The following PREX1 variants were observed in gnomAD, a reference collection of about 807,000 sequenced individuals.
PREX1 encodes phosphatidylinositol 3,4,5-trisphosphate-dependent Rac exchanger 1 protein.
Under a neutral mutation model 198.3 loss-of-function variants are expected in PREX1, and 41 were observed. That is an observed-to-expected ratio of 0.21 (90% CI 0.16 to 0.27). PREX1 has a LOEUF of 0.27. Among genes scored for constraint, PREX1 ranks in the 10% least tolerant of loss-of-function variants. The pLI, the probability that PREX1 is intolerant of heterozygous loss-of-function variation, is 1.00. For missense variants in PREX1, 1,620 were observed against 2,200.7 expected (o/e 0.74, Z 5.28); for synonymous variants, 843 against 887.2 (o/e 0.95, Z 0.89).
intron 25 of PREX1, among the ~76,000 whole-genome samples, chr20:48,647,188 C>A (rs556447915): frequency 1.3e-5 from 2 of 152,142 alleles, no homozygotes; most frequent in Admixed American, 1.3e-4. Flanking sequence ...TATGATCACA[C>A]CATCACACTC....
the PREX1 span, among the ~76,000 whole-genome samples, chr20:48,876,697 T>G: frequency 6.6e-6 from 1 of 152,126 alleles, no homozygotes; most frequent in Non-Finnish European, 1.5e-5. Flanking sequence ...CTTGGGAAGA[T>G]GAAAAGGGGA....
chr20:48,740,654 A>G (rs1345729066), intron 3 of PREX1, among the ~76,000 whole-genome samples: 12 of 152,218 alleles, frequency 7.9e-5, no homozygotes, highest in African/African-American at 2.2e-4. Context: ...AACTCCTGAG[A>G]CAGACTGACT....
intron 30 of PREX1, among the ~76,000 whole-genome samples, chr20:48,638,006 A>G (rs1189890296): frequency 1.3e-5 from 2 of 152,154 alleles, no homozygotes; most frequent in Non-Finnish European, 2.9e-5. Context: ...AGATGGAACC[A>G]GCCCCTTTAA....
chr20:48,851,244 C>A, the PREX1 span, among the ~76,000 whole-genome samples: 1 of 152,150 alleles, frequency 6.6e-6, no homozygotes, highest in Non-Finnish European at 1.5e-5. Context: ...TGGTGGTTCA[C>A]GCCTGTAATC....
chr20:48,667,132 T>C (rs530995684), intron 14 of PREX1, among the ~76,000 whole-genome samples: 1 of 152,094 alleles, frequency 6.6e-6, no homozygotes, highest in Non-Finnish European at 1.5e-5. Flanking sequence ...TTGCAGTCAC[T>C]TTAGACTACA....
At chr20:48,646,366 T>C in intron 25 of PREX1, among the ~76,000 whole-genome samples, 1 of 152,158 alleles carries the variant, frequency 6.6e-6, no homozygotes, top group South Asian at 2.1e-4. Flanking sequence ...CGTGGCTGTG[T>C]TCCAATGACA....
At chr20:48,699,465 A>G (rs1184217312) in intron 7 of PREX1, among the ~76,000 whole-genome samples, 1 of 152,034 alleles carries the variant, frequency 6.6e-6, no homozygotes, top group African/African-American at 2.4e-5. Context: ...CCATGCATCC[A>G]ACCATCAGTT....
At chr20:48,736,990 A>G (rs925081162) in intron 3 of PREX1, among the ~76,000 whole-genome samples, 2 of 152,088 alleles carry the variant, frequency 1.3e-5, no homozygotes, top group Non-Finnish European at 2.9e-5. Flanking sequence ...TCTCATCCAT[A>G]AAGTACAGAC....
At chr20:48,882,501 CAAAAAAAA>C in the PREX1 span, among the ~76,000 whole-genome samples, 9 of 66,880 alleles carry the variant, frequency 1.3e-4, no homozygotes, top group East Asian at 6.1e-4. Flanking sequence ...GACTCCGTCT[CAAAAAAAA>C]AAAAAAAAAA....
chr20:48,833,439 CTTTCT>C, the PREX1 span, among the ~76,000 whole-genome samples: 2,012 of 119,854 alleles, frequency 0.017, 36 homozygotes, highest in African/African-American at 0.058. Flanking sequence ...CCTATCTTTT[CTTTCT>C]TTTTTTTTTT....
chr20:48,659,089 T>C (rs989939430), intron 16 of PREX1, among the ~76,000 whole-genome samples: 6 of 144,118 alleles, frequency 4.2e-5, no homozygotes, highest in African/African-American at 1.6e-4. Flanking sequence ...ATTAGCTGGG[T>C]GTGGTGGCGC....
At chr20:48,797,393 C>T (rs2090367893) in intron 1 of PREX1, among the ~76,000 whole-genome samples, 1 of 145,004 alleles carries the variant, frequency 6.9e-6, no homozygotes, top group Non-Finnish European at 1.5e-5. Context: ...CTGGCCATTT[C>T]CCCAGGGCTC....
chr20:48,729,688 C>T (rs6122718), intron 4 of PREX1, among the ~76,000 whole-genome samples: 41,978 of 152,038 alleles, frequency 0.28, 5,904 homozygotes, highest in South Asian at 0.4. Context: ...AGCTCAGGCC[C>T]TCATGCTCTA....
chr20:48,686,034 T>G lies in PREX1; in HGVS notation c.1334+2623A>C, dbSNP rs536878532. 1.3e-4 allele frequency among the ~76,000 whole-genome samples: 20 copies of G among 152,310 alleles called. No homozygotes were observed. The South Asian group carries it at 4.1e-3, about 32-fold the overall frequency. On this transcript the variant is annotated intron_variant, in intron 10 of 39. Transcript: ENST00000371941. ...AAATGAATAGACAGGCAAAGTACAG[T>G]GGGAGACAGCACCAGTGTCGCTTTG...
chr20:48,672,083 C>A (rs1410041826), intron 14 of PREX1, among the ~76,000 whole-genome samples: 2 of 152,212 alleles, frequency 1.3e-5, no homozygotes, highest in African/African-American at 4.8e-5. Flanking sequence ...GAGAAAGCCC[C>A]CCGCATGCCC....
the PREX1 span, among the ~76,000 whole-genome samples, chr20:48,846,996 C>T: frequency 2.0e-5 from 3 of 152,116 alleles, no homozygotes; most frequent in Non-Finnish European, 2.9e-5. Flanking sequence ...TGTTCCTACC[C>T]TCCAGGGGCT....
Position 48,704,598 on chromosome 20 carries a change from G to A in PREX1, c.783+3662C>T, listed in dbSNP as rs370489587. 2.1e-4 allele frequency among the ~76,000 whole-genome samples: 32 copies of A among 150,188 alleles called. 1 individual carries two copies. The highest frequency in any genetic ancestry group is 3.4e-3 in the Middle Eastern group (1 of 292). On this transcript the variant is annotated intron_variant, in intron 6 of 39. Coordinates refer to ENST00000371941, the MANE Select transcript of PREX1 (RefSeq NM_020820.4). ...TTTTTTGATGGAGTCTAGCTCTGTC[G>A]ACCAGGCTGGAGTGCAGTGGTGTGA...
At chr20:48,776,712 TGGAA>T (rs1486991377) in intron 1 of PREX1, among the ~76,000 whole-genome samples, 1 of 152,160 alleles carries the variant, frequency 6.6e-6, no homozygotes, top group African/African-American at 2.4e-5. Context: ...GTCTCCTCTC[TGGAA>T]GGGAGACCAA....
chr20:48,766,150 T>C (rs2090207018), intron 1 of PREX1, among the ~76,000 whole-genome samples: 1 of 152,344 alleles, frequency 6.6e-6, no homozygotes, highest in Middle Eastern at 3.4e-3. Context: ...TATTTCATTA[T>C]ATGTTACAAT....
Sources: gnomAD v4.1 joint callset for allele counts (sites outside exome capture counted in the v4.1 genomes callset) on GRCh38, gnomAD v4.1.1 for gene constraint, MANE v1.5 for transcripts, NCBI Gene and HGNC (gene_info 2026-07-23, HGNC 2026-07-21) for gene names.